PARN: variants seen among roughly 807,000 people sequenced by gnomAD.
PARN encodes the protein poly(A)-specific ribonuclease.
A neutral mutation model predicts 102.8 loss-of-function variants in PARN; 71 were observed. That is an observed-to-expected ratio of 0.69 (90% CI 0.57 to 0.84). The LOEUF is 0.84. PARN is among the 40% of genes least tolerant of loss of function. The pLI is 0.00. For missense variants in PARN, 782 were observed against 760.9 expected, an observed-to-expected ratio of 1.03 and a Z score of -0.33; for synonymous variants, 261 against 252.9, an observed-to-expected ratio of 1.03 and a Z score of -0.30.
At chr16:14,588,675 C>T (rs921644879) in intron 13 of PARN, among the ~76,000 whole-genome samples, 6 of 152,012 alleles carry the variant, frequency 3.9e-5, no homozygotes, top group African/African-American at 1.4e-4. Flanking sequence ...GCCGGAAGTT[C>T]GAGACCAGCC....
intron 23 of PARN, among the ~76,000 whole-genome samples, chr16:14,444,963 C>T (rs1387737847): frequency 5.9e-5 from 9 of 151,790 alleles, no homozygotes; most frequent in African/African-American, 1.7e-4. Context: ...GGACTACATG[C>T]CCGTGCAGCT....
At chr16:14,509,270 C>T (rs953203102) in intron 21 of PARN, among the ~76,000 whole-genome samples, 3 of 152,114 alleles carry the variant, frequency 2.0e-5, no homozygotes, top group Non-Finnish European at 2.9e-5. Context: ...CCAGACACCA[C>T]CTACCCACCC....
chr16:14,476,394 G>A (rs997264231), intron 22 of PARN, among the ~76,000 whole-genome samples: 1 of 152,122 alleles, frequency 6.6e-6, no homozygotes, highest in African/African-American at 2.4e-5. Flanking sequence ...CTACCATCTT[G>A]GACAGTATAA....
chr16:14,465,287 T>A (rs1189838983), intron 22 of PARN, among the ~76,000 whole-genome samples: 1 of 152,146 alleles, frequency 6.6e-6, no homozygotes, highest in Non-Finnish European at 1.5e-5. Context: ...TCTTTCCACA[T>A]TGCCCAGGCT....
intron 22 of PARN, among the ~76,000 whole-genome samples, chr16:14,474,637 T>C (rs1962936987): frequency 6.6e-6 from 1 of 152,222 alleles, no homozygotes; most frequent in African/African-American, 2.4e-5. Flanking sequence ...CGCTGGGCTC[T>C]TGATGGGTAT....
intron 9 of PARN, chr16:14,608,072 T>C (rs1567444232): frequency 7.1e-6 from 4 of 563,716 alleles, no homozygotes; most frequent in Admixed American, 7.4e-5. Flanking sequence ...AAGTGATAAT[T>C]ATTTTAAGAA....
chr16:14,476,518 T>G lies in PARN; in HGVS notation c.1670+6120A>C, dbSNP rs545966589. Among the ~76,000 whole-genome samples the G allele has an allele frequency of 9.1e-4, 138 of 152,252 alleles. 1 individual carries two copies. The highest frequency in any genetic ancestry group is 2.1e-3 in the East Asian group (11 of 5,170). On this transcript the variant is annotated intron_variant, in intron 22 of 23. Coordinates refer to ENST00000437198, the MANE Select transcript of PARN (RefSeq NM_002582.4). Reference sequence around the variant, plus strand: ...CACCTTTGCCATGGTAACTCAAAAGTAGCCACAGGCAATATGTAAATGAAT... The same window carrying G: ...CACCTTTGCCATGGTAACTCAAAAGGAGCCACAGGCAATATGTAAATGAAT...
chr16:14,519,855 GA>G (rs1339870783), intron 21 of PARN, among the ~76,000 whole-genome samples: 1 of 151,910 alleles, frequency 6.6e-6, no homozygotes, highest in African/African-American at 2.4e-5. Context: ...ACTAATAAAA[GA>G]AAAAGGCATG....
At chr16:14,529,233 C>G (rs1197251116) in intron 21 of PARN, among the ~76,000 whole-genome samples, 1 of 152,198 alleles carries the variant, frequency 6.6e-6, no homozygotes, top group African/African-American at 2.4e-5. Flanking sequence ...GTCCACATTA[C>G]TTAGCATGAA....
At chr16:14,464,184 CAAG>C (rs1181807731) in intron 22 of PARN, among the ~76,000 whole-genome samples, 2 of 151,996 alleles carry the variant, frequency 1.3e-5, no homozygotes, top group African/African-American at 4.8e-5. Context: ...TCCAGAAATC[CAAG>C]AAGCTCAGTA....
chr16:14,617,060 G>C (rs1013378542), intron 6 of PARN, among the ~76,000 whole-genome samples: 1 of 141,468 alleles, frequency 7.1e-6, no homozygotes, highest in Non-Finnish European at 1.5e-5. Context: ...GGCTGATTAT[G>C]TTTTTTGTTT....
chr16:14,587,435 G>C (rs1406265595), intron 13 of PARN, among the ~76,000 whole-genome samples: 1 of 152,120 alleles, frequency 6.6e-6, no homozygotes, highest in South Asian at 2.1e-4. Context: ...CCTCTAAAAG[G>C]CAACTCCAAA....
At chr16:14,518,569 T>C (rs1965578671) in intron 21 of PARN, among the ~76,000 whole-genome samples, 1 of 152,100 alleles carries the variant, frequency 6.6e-6, no homozygotes, top group South Asian at 2.1e-4. Flanking sequence ...AAAGTAAATA[T>C]AGCAGATTAC....
chr16:14,527,493 A>G (rs1485813539), intron 21 of PARN, among the ~76,000 whole-genome samples: 1 of 152,238 alleles, frequency 6.6e-6, no homozygotes, highest in Non-Finnish European at 1.5e-5. Context: ...TTTTGACGTC[A>G]TGAAAGCTGA....
chr16:14,541,527 G>A (rs1966840220), intron 21 of PARN, among the ~76,000 whole-genome samples: 1 of 152,126 alleles, frequency 6.6e-6, no homozygotes, highest in Non-Finnish European at 1.5e-5. Context: ...CCAGGCTGGA[G>A]TGCAGTGGTG....
At chr16:14,474,663 G>C (rs967690337) in intron 22 of PARN, among the ~76,000 whole-genome samples, 6 of 152,214 alleles carry the variant, frequency 3.9e-5, no homozygotes, top group Non-Finnish European at 8.8e-5. Flanking sequence ...GAAGGGAAGA[G>C]AGAATGAAGA....
intron 20 of PARN, among the ~76,000 whole-genome samples, chr16:14,553,544 T>TGG (rs1401526216): frequency 6.6e-6 from 1 of 152,198 alleles, no homozygotes; most frequent in Non-Finnish European, 1.5e-5. Context: ...GGCATTGCTG[T>TGG]GGGTTTACAA....
chr16:14,463,005 A>G (rs1223312486), intron 22 of PARN, among the ~76,000 whole-genome samples: 3 of 152,244 alleles, frequency 2.0e-5, no homozygotes, highest in Non-Finnish European at 4.4e-5. Context: ...ATGATTCAGC[A>G]GAGGACTGAT....
chr16:14,469,228 C>T (rs1248118651), intron 22 of PARN, among the ~76,000 whole-genome samples: 2 of 152,002 alleles, frequency 1.3e-5, no homozygotes, highest in South Asian at 2.1e-4. Flanking sequence ...ACCCGGGAGG[C>T]GGAGGTTGCC....
Sources: allele counts gnomAD v4.1 joint callset (sites outside exome capture counted in the v4.1 genomes callset), GRCh38; gene constraint gnomAD v4.1.1; transcripts MANE v1.5; gene names NCBI Gene and HGNC (gene_info 2026-07-23, HGNC 2026-07-21).